GRK5: variants seen among roughly 807,000 people sequenced by gnomAD.
GRK5 encodes g protein-coupled receptor kinase GRK5.
A neutral mutation model predicts 78.4 loss-of-function variants in GRK5; 40 were observed. That is an observed-to-expected ratio of 0.51 (90% confidence interval 0.40 to 0.66). GRK5 has a LOEUF of 0.66. Ranked by LOEUF, GRK5 falls within the 30% of genes least tolerant of loss-of-function variation. GRK5 has a pLI of 0.00. For synonymous variants in GRK5, 289 were observed against 296.8 expected (o/e 0.97, Z 0.27); for missense variants, 598 against 759.9 (o/e 0.79, Z 2.50).
chr10:119,269,408 C>T (rs547424431), intron 1 of GRK5, among the ~76,000 whole-genome samples: 157 of 152,242 alleles, frequency 1.0e-3, no homozygotes, highest in African/African-American at 3.6e-3. Flanking sequence ...GCCGAGGGTT[C>T]CTGGGGTAGC....
chr10:119,221,413 C>A lies in GRK5; in HGVS notation c.52+13444C>A, dbSNP rs1283453638. 6.6e-5 allele frequency among the ~76,000 whole-genome samples: 10 copies of A among 152,154 alleles called. No individual in the cohort carries two copies. In the South Asian group the frequency reaches 1.0e-3, roughly 16 times the overall value. On this transcript the variant is annotated intron_variant, in intron 1 of 15. Coordinates refer to ENST00000392870, the MANE Select transcript of GRK5 (RefSeq NM_005308.3). ...TTCCATATCTGTGTTTATAGTTTCC[C>A]ATGAAATGGATGGGTGTCAGGAAAA...
chr10:119,348,846 A>G (rs1297475886), intron 2 of GRK5, among the ~76,000 whole-genome samples: 2 of 152,192 alleles, frequency 1.3e-5, no homozygotes, highest in African/African-American at 4.8e-5. Context: ...TCCTTGTCCA[A>G]AAAAGGAGTT....
chr10:119,393,213 C>T (rs995726071), intron 3 of GRK5, among the ~76,000 whole-genome samples: 28 of 152,262 alleles, frequency 1.8e-4, no homozygotes, highest in Non-Finnish European at 7.3e-5. Flanking sequence ...CACAAATGCT[C>T]TTCAAGTGGT....
intron 2 of GRK5, among the ~76,000 whole-genome samples, chr10:119,364,792 A>T (rs1011657360): frequency 1.3e-5 from 2 of 152,206 alleles, no homozygotes; most frequent in African/African-American, 2.4e-5. Flanking sequence ...AGAAGGAAAA[A>T]TAAGTAAGCA....
chr10:119,261,138 A>G (rs1849385246), intron 1 of GRK5, among the ~76,000 whole-genome samples: 3 of 148,578 alleles, frequency 2.0e-5, no homozygotes, highest in African/African-American at 7.5e-5. Flanking sequence ...CTCACTTTTC[A>G]GACGGGGCGG....
intron 6 of GRK5, among the ~76,000 whole-genome samples, chr10:119,425,310 C>T (rs552372608): frequency 3.4e-4 from 48 of 142,468 alleles, no homozygotes; most frequent in Admixed American, 1.3e-3. Flanking sequence ...CACACATTCA[C>T]GCAAATGTAA....
chr10:119,408,274 A>G (rs1408047099), intron 4 of GRK5, among the ~76,000 whole-genome samples: 2 of 139,204 alleles, frequency 1.4e-5, no homozygotes, highest in Non-Finnish European at 3.0e-5. Flanking sequence ...CTGGAGTTCA[A>G]GGCTGCAGTG....
intron 2 of GRK5, among the ~76,000 whole-genome samples, chr10:119,360,376 G>A (rs1333321923): frequency 2.6e-5 from 4 of 152,216 alleles, no homozygotes; most frequent in African/African-American, 4.8e-5. Context: ...TTCTGGAGGC[G>A]CTTAGTGGGT....
At chr10:119,209,699 G>A (rs975655152) in intron 1 of GRK5, among the ~76,000 whole-genome samples, 6 of 151,738 alleles carry the variant, frequency 4.0e-5, no homozygotes, top group African/African-American at 7.3e-5. Flanking sequence ...GGATTCGGGG[G>A]CTGGGAAAGT....
At chr10:119,449,848 C>T (rs540139381) in intron 13 of GRK5, among the ~76,000 whole-genome samples, 23 of 152,314 alleles carry the variant, frequency 1.5e-4, no homozygotes, top group Admixed American at 1.2e-3. Context: ...TGAGCTTGAG[C>T]AGGCAGGGGG....
rs529900455 is a variant in GRK5 at position 119,442,317 on chromosome 10, C to T, written c.1057+229C>T. Among the ~76,000 whole-genome samples, 148 of 152,354 alleles carry T rather than the reference C, an allele frequency of 9.7e-4. 1 individual carries two copies. The highest frequency in any genetic ancestry group is 9.6e-3 in the Admixed American group (147 of 15,308). On this transcript the variant is annotated intron_variant, in intron 11 of 15. Transcript: ENST00000392870. Reference sequence around the variant, plus strand: ...CTCTGAGCTCTCTGCACTCCCAGGCCCCCAGCCCCACCTGTGTCCAAAGCC... The same window carrying T: ...CTCTGAGCTCTCTGCACTCCCAGGCTCCCAGCCCCACCTGTGTCCAAAGCC...
At chr10:119,275,255 C>G (rs1299915917) in intron 1 of GRK5, among the ~76,000 whole-genome samples, 4 of 152,138 alleles carry the variant, frequency 2.6e-5, no homozygotes, top group Non-Finnish European at 5.9e-5. Context: ...CATGGTTGAT[C>G]AGTATCTTGG....
chr10:119,247,781 T>C (rs1564862451), intron 1 of GRK5, among the ~76,000 whole-genome samples: 1 of 152,228 alleles, frequency 6.6e-6, no homozygotes, highest in Non-Finnish European at 1.5e-5. Context: ...TGGTGACTTG[T>C]AACTAGTACC....
rs1851661580 is a variant in GRK5, at chr10:119,378,571, C to T, written c.149-2244C>T. Reference sequence around the variant, plus strand: ...TCTTTCCGTTCCAGGAGGCAGACAGCGGAGTGCTGAGGCCGTGTCCCCGTG... The same window carrying T: ...TCTTTCCGTTCCAGGAGGCAGACAGTGGAGTGCTGAGGCCGTGTCCCCGTG... On this transcript the variant is annotated intron_variant, in intron 2 of 15. Coordinates refer to ENST00000392870, the MANE Select transcript of GRK5 (RefSeq NM_005308.3). This position sits in a 1 kb window ranked among gnomAD's most constrained non-coding sequence, Gnocchi z 4.5. Among the ~76,000 whole-genome samples the T allele has an allele frequency of 6.6e-6, 1 of 152,258 alleles. No individual in the cohort carries two copies. Among genetic ancestry groups the T allele is most frequent in the African/African-American group, 2.4e-5 (1 of 41,466 alleles).
rs1356769726 is a variant in GRK5, at chr10:119,387,926, T to TA, written c.261+7002dup. Among the ~76,000 whole-genome samples, 3 of 147,870 alleles carry TA rather than the reference T, an allele frequency of 2.0e-5. No individual in the cohort carries two copies. The East Asian group carries it at 6.0e-4, about 29-fold the overall frequency. On this transcript the variant is annotated intron_variant, in intron 3 of 15. Coordinates refer to ENST00000392870, the MANE Select transcript of GRK5 (RefSeq NM_005308.3). The stretch of plus-strand genomic sequence containing the variant: ...GCCCTTGTGCAGCTTGCTTTCTGGT[T>TA]AAATGAAAGATTAAAAAAATAAAGA...
At chr10:119,211,373 C>T (rs1234629890) in intron 1 of GRK5, 1 of 152,136 alleles carries the variant, frequency 6.6e-6, no homozygotes, top group African/African-American at 2.4e-5. Flanking sequence ...GGCAGGCGAC[C>T]TAATGTTGAA....
intron 2 of GRK5, among the ~76,000 whole-genome samples, chr10:119,368,128 C>G (rs1851480969): frequency 6.6e-6 from 1 of 152,238 alleles, no homozygotes; most frequent in Non-Finnish European, 1.5e-5. Context: ...AGATGGGCCC[C>G]CAGTCCTCCC....
intron 2 of GRK5, among the ~76,000 whole-genome samples, chr10:119,356,188 A>C (rs1050060952): frequency 1.3e-5 from 2 of 152,244 alleles, no homozygotes; most frequent in Non-Finnish European, 2.9e-5. Flanking sequence ...TATTCAGACT[A>C]AAGGACATAG....
intron 2 of GRK5, among the ~76,000 whole-genome samples, chr10:119,360,115 G>C (rs1273521814): frequency 6.6e-6 from 1 of 151,470 alleles, no homozygotes; most frequent in African/African-American, 2.4e-5. Context: ...GAGGGAATCT[G>C]AGGGAGGCAG....
Sources: gnomAD v4.1 joint callset for allele counts (sites outside exome capture counted in the v4.1 genomes callset) on GRCh38, gnomAD v4.1.1 for gene constraint, Gnocchi (gnomAD v3.1) non-coding constraint, MANE v1.5 for transcripts, NCBI Gene and HGNC (gene_info 2026-07-23, HGNC 2026-07-21) for gene names.